BTBD9: variants seen among roughly 807,000 people sequenced by gnomAD.
The protein encoded by BTBD9 is BTB/POZ domain-containing protein 9.
BTBD9 carries 49 observed loss-of-function variants against 64.3 expected under a neutral mutation model. The observed-to-expected ratio is 0.76, with a 90% CI of 0.61 to 0.97. The LOEUF (loss-of-function observed/expected upper bound fraction) is 0.97. Ranked by LOEUF, BTBD9 falls within the 50% of genes least tolerant of loss-of-function variation. The pLI is 0.00. For missense variants in BTBD9, 598 were observed against 762.1 expected, an observed-to-expected ratio of 0.78 and a Z score of 2.53; for synonymous variants, 260 against 274.7, an observed-to-expected ratio of 0.95 and a Z score of 0.53.
rs531804321 is a variant in BTBD9, at chr6:38,286,811, A to G, written c.1454+1461T>C. ...AAAAATTTAGTGTTGGCTGGGCGCCATGGCTCATGCCTGTAATCCCAGCAC... is the reference window on the plus strand; with the variant it reads ...AAAAATTTAGTGTTGGCTGGGCGCCGTGGCTCATGCCTGTAATCCCAGCAC... On this transcript the variant is annotated intron_variant, in intron 8 of 10. Transcript: ENST00000481247. Among the ~76,000 whole-genome samples the G allele has an allele frequency of 1.1e-3, 171 of 152,190 alleles. 1 individual carries two copies. The highest frequency in any genetic ancestry group is 4.0e-3 in the African/African-American group (167 of 41,540).
At chr6:38,523,277 C>T (rs1773348597) in intron 6 of BTBD9, among the ~76,000 whole-genome samples, 1 of 152,148 alleles carries the variant, frequency 6.6e-6, no homozygotes, top group African/African-American at 2.4e-5. Flanking sequence ...TGTACTACCC[C>T]AGTCTAGCCC....
At chr6:38,427,825 G>C (rs760639204) in intron 6 of BTBD9, among the ~76,000 whole-genome samples, 39 of 151,980 alleles carry the variant, frequency 2.6e-4, no homozygotes, top group Non-Finnish European at 5.0e-4. Flanking sequence ...GCACAATAAC[G>C]ATGAGGTATG....
rs1286421034 is a variant in BTBD9 at position 38,222,468 on chromosome 6, C to T, written c.1563-29871G>A. Among the ~76,000 whole-genome samples the T allele has an allele frequency of 4.6e-5, 7 of 152,026 alleles. No individual in the cohort carries two copies. The South Asian group carries it at 1.2e-3, about 27-fold the overall frequency. ...TAGAGACGGGGTTTCACCGTGTTAG[C>T]CAGGATGGTCTCGATCTCCTGACCT... On this transcript the variant is annotated intron_variant, in intron 9 of 10. Transcript: ENST00000481247.
chr6:38,431,072 C>T (rs1768421803), intron 6 of BTBD9, among the ~76,000 whole-genome samples: 1 of 151,888 alleles, frequency 6.6e-6, no homozygotes, highest in Admixed American at 6.6e-5. Context: ...AGGTGAAGGG[C>T]CCCATTCTTC....
At position 38,614,711 on chromosome 6, in the gene BTBD9, T is replaced by C. The variant is rs560882989; in HGVS notation, c.-27-16590A>G. On this transcript the variant is annotated intron_variant, in intron 1 of 10. Coordinates refer to ENST00000481247, the MANE Select transcript of BTBD9 (RefSeq NM_001099272.2). Reference sequence around the variant, plus strand: ...AGTCTTTTGTTTTTACCTCCTAAGATAGCTTTCAAGTCAATTTACTTCTTT... The same window carrying C: ...AGTCTTTTGTTTTTACCTCCTAAGACAGCTTTCAAGTCAATTTACTTCTTT... 7.9e-5 allele frequency among the ~76,000 whole-genome samples: 12 copies of C among 152,278 alleles called. No homozygotes were observed. In the South Asian group the frequency reaches 2.3e-3, roughly 29 times the overall value.
At chr6:38,214,932 C>T (rs1762962496) in intron 9 of BTBD9, among the ~76,000 whole-genome samples, 1 of 152,134 alleles carries the variant, frequency 6.6e-6, no homozygotes, top group Non-Finnish European at 1.5e-5. Context: ...AGGCAGATGC[C>T]AAAAAGTCAA....
intron 6 of BTBD9, among the ~76,000 whole-genome samples, chr6:38,495,675 T>A (rs1189684279): frequency 2.1e-5 from 3 of 144,772 alleles, no homozygotes; most frequent in South Asian, 4.3e-4. Flanking sequence ...ATACAGCAGT[T>A]AGAACTGTGA....
intron 6 of BTBD9, among the ~76,000 whole-genome samples, chr6:38,425,846 G>A (rs184688403): frequency 6.8e-6 from 1 of 146,306 alleles, no homozygotes; most frequent in African/African-American, 2.6e-5. Context: ...CAGCCTGGGA[G>A]GTCAAGGCTG....
intron 1 of BTBD9, among the ~76,000 whole-genome samples, chr6:38,635,490 G>T (rs1324761024): frequency 1.3e-5 from 2 of 152,170 alleles, no homozygotes; most frequent in Non-Finnish European, 2.9e-5. Flanking sequence ...TGGTTTGCAT[G>T]TGTCCTCCAT....
chr6:38,208,413 A>T (rs947242478), intron 9 of BTBD9, among the ~76,000 whole-genome samples: 1 of 152,188 alleles, frequency 6.6e-6, no homozygotes, highest in Non-Finnish European at 1.5e-5. Context: ...AATCATATCT[A>T]AAGATGATCT....
chr6:38,193,599 C>G (rs1055436194), intron 9 of BTBD9, among the ~76,000 whole-genome samples: 7 of 152,176 alleles, frequency 4.6e-5, no homozygotes, highest in African/African-American at 1.7e-4. Flanking sequence ...CTTGGTTGAA[C>G]GCTCAGCAGC....
At chr6:38,600,545 T>A (rs1486116088) in intron 1 of BTBD9, among the ~76,000 whole-genome samples, 1 of 152,076 alleles carries the variant, frequency 6.6e-6, no homozygotes, top group Admixed American at 6.5e-5. Context: ...ATACAAACTC[T>A]CACATCACTC....
At chr6:38,266,633 A>AG (rs374289907) in intron 8 of BTBD9, among the ~76,000 whole-genome samples, 9 of 100,460 alleles carry the variant, frequency 9.0e-5, no homozygotes, top group East Asian at 2.2e-4. Flanking sequence ...AAAGAAAGAA[A>AG]GAAAGAAAGA....
chr6:38,362,296 C>T (rs1322639121), intron 6 of BTBD9, among the ~76,000 whole-genome samples: 1 of 152,218 alleles, frequency 6.6e-6, no homozygotes, highest in African/African-American at 2.4e-5. Context: ...AGTTAAGTGT[C>T]TACTTTTCAG....
intron 7 of BTBD9, among the ~76,000 whole-genome samples, chr6:38,295,607 G>A (rs1762131702): frequency 6.6e-6 from 1 of 152,050 alleles, no homozygotes; most frequent in South Asian, 2.1e-4. Context: ...AGTATGCTGT[G>A]AGATGAGGAT....
intron 6 of BTBD9, among the ~76,000 whole-genome samples, chr6:38,352,659 A>G (rs368261406): frequency 6.6e-6 from 1 of 152,376 alleles, no homozygotes; most frequent in East Asian, 1.9e-4. Flanking sequence ...AGAGAAGGCC[A>G]TAAGAGCTTA....
At chr6:38,458,818 TTC>T (rs1360816773) in intron 6 of BTBD9, among the ~76,000 whole-genome samples, 2 of 152,182 alleles carry the variant, frequency 1.3e-5, no homozygotes, top group African/African-American at 4.8e-5. Context: ...AATATATTGA[TTC>T]TGTTTCCCCC....
intron 10 of BTBD9, among the ~76,000 whole-genome samples, chr6:38,188,759 C>T (rs939773343): frequency 7.2e-5 from 11 of 152,150 alleles, no homozygotes; most frequent in African/African-American, 2.2e-4. Context: ...TCAGGTTCAG[C>T]GGAGGTCATG....
chr6:38,231,242 T>G (rs1763594795), intron 9 of BTBD9, among the ~76,000 whole-genome samples: 1 of 152,222 alleles, frequency 6.6e-6, no homozygotes, highest in Non-Finnish European at 1.5e-5. Context: ...AGAATCAAAT[T>G]GAATTACCAG....
Sources: allele counts gnomAD v4.1 joint callset (sites outside exome capture counted in the v4.1 genomes callset), GRCh38; gene constraint gnomAD v4.1.1; transcripts MANE v1.5; gene names NCBI Gene and HGNC (gene_info 2026-07-23, HGNC 2026-07-21).